LAMA3: variants seen among roughly 807,000 people sequenced by gnomAD.
LAMA3 encodes the protein laminin subunit alpha 3.
Under a neutral mutation model 402.0 loss-of-function variants are expected in LAMA3, and 281 were observed. That is an observed-to-expected ratio of 0.70 (90% CI 0.63 to 0.77). The LOEUF is 0.77. Ranked by LOEUF, LAMA3 falls within the 30% of genes least tolerant of loss-of-function variation. The pLI is 0.00. For synonymous variants in LAMA3, 1,431 were observed against 1,558.4 expected (o/e 0.92, Z 1.93); for missense variants, 3,840 against 4,215.5 (o/e 0.91, Z 2.47).
At position 23,847,624 on chromosome 18, in the gene LAMA3, C is replaced by T. The variant is rs772530974; in HGVS notation, c.4092C>T (p.Ile1364=). 6 of 1,613,908 alleles carry T rather than the reference C, an allele frequency of 3.7e-6. No individual in the cohort carries two copies. In the African/African-American group the frequency reaches 4.0e-5, roughly 11 times the overall value. ...GCAACTGTTCCAGGAGGGGCACCAT[C>T]GAGGCTGCCATGCCGGAGTGTGACC... ...EGCNCSRRGT[I]EAAMPECDRD... The change falls in exon 32 of 75, where the codon ATC becomes ATT. Residue 1364 remains isoleucine (I), a synonymous_variant. Coordinates refer to ENST00000313654, the MANE Select transcript of LAMA3 (RefSeq NM_198129.4).
intron 44 of LAMA3, among the ~76,000 whole-genome samples, chr18:23,895,613 A>G (rs2080850949): frequency 1.3e-5 from 2 of 152,208 alleles, no homozygotes; most frequent in South Asian, 4.1e-4. Flanking sequence ...TTCCCTTATT[A>G]TCCTTTGTAC....
chr18:23,713,424 C>A (rs952556717), intron 1 of LAMA3, among the ~76,000 whole-genome samples: 1 of 152,236 alleles, frequency 6.6e-6, no homozygotes, highest in African/African-American at 2.4e-5. Context: ...CCACAGCCAT[C>A]TACTCCATGG....
rs1031057431 is a variant in LAMA3 at position 23,837,424 on chromosome 18, C to T, written c.3093+335C>T. 19 of 238,886 alleles carry T rather than the reference C, an allele frequency of 8.0e-5. No homozygotes were observed. The Admixed American group carries it at 1.0e-3, about 13-fold the overall frequency. The allele number at this position is 238,886 out of a possible 1,614,324, so 14.8% of individuals were successfully genotyped here. On this transcript the variant is annotated intron_variant, in intron 25 of 74. Coordinates refer to ENST00000313654, the MANE Select transcript of LAMA3 (RefSeq NM_198129.4). ...TTGCCAGAGTTTAGAAATCCCATTG[C>T]TTATTGTTTATTTTCTTTTCCATCT...
At chr18:23,745,156 C>T (rs2061630002) in intron 2 of LAMA3, among the ~76,000 whole-genome samples, 1 of 150,412 alleles carries the variant, frequency 6.6e-6, no homozygotes, top group Non-Finnish European at 1.5e-5. Flanking sequence ...CTGTAACTTC[C>T]TTTCAAAGAA....
intron 25 of LAMA3, 117 bp from the exon 26 acceptor site, chr18:23,838,663 TA>T (rs2063634036): frequency 1.4e-6 from 1 of 709,012 alleles, no homozygotes. Context: ...AAATAACGAT[TA>T]GAATTATTAT....
intron 2 of LAMA3, among the ~76,000 whole-genome samples, chr18:23,716,742 C>A (rs2061107762): frequency 6.6e-6 from 1 of 152,242 alleles, no homozygotes; most frequent in Non-Finnish European, 1.5e-5. Context: ...ACCCGCTCTG[C>A]TCTGCGAGGC....
chr18:23,744,268 G>A (rs1404900552), intron 2 of LAMA3, among the ~76,000 whole-genome samples: 1 of 152,074 alleles, frequency 6.6e-6, no homozygotes, highest in Non-Finnish European at 1.5e-5. Flanking sequence ...ACATATAGTC[G>A]CTTGGTGCAA....
Position 23,894,892 on chromosome 18 carries a change from T to A in LAMA3, c.5462-15T>A. On this transcript the variant is annotated splice_polypyrimidine_tract_variant and intron_variant, in intron 43 of 74. Transcript: ENST00000313654. ...CCCCCCACAGCACATTTGCCTTTGA[T>A]TGTGGCCCCTACAGATTGCGACAGC... The A allele has an allele frequency of 6.2e-7, 1 of 1,614,122 alleles. No homozygotes were observed. Among genetic ancestry groups the A allele is most frequent in the Non-Finnish European group, 8.5e-7 (1 of 1,180,004 alleles).
At chr18:23,705,450 TACACACACAC>T (rs35025245) in intron 1 of LAMA3, among the ~76,000 whole-genome samples, 1 of 145,394 alleles carries the variant, frequency 6.9e-6, no homozygotes, top group South Asian at 2.2e-4. Context: ...TATCATGACA[TACACACACAC>T]ACACACACAC....
chr18:23,949,427 C>G (rs1337577096), intron 70 of LAMA3, among the ~76,000 whole-genome samples: 1 of 151,894 alleles, frequency 6.6e-6, no homozygotes, highest in East Asian at 1.9e-4. Context: ...TCTGTGAGGA[C>G]CAGGGTCAGG....
chr18:23,876,852 C>T (rs914284037), intron 39 of LAMA3, among the ~76,000 whole-genome samples: 17 of 152,118 alleles, frequency 1.1e-4, no homozygotes, highest in African/African-American at 3.9e-4. Context: ...GCTCAAGGCT[C>T]ATAAGAAATC....
intron 62 of LAMA3, among the ~76,000 whole-genome samples, chr18:23,925,429 C>A (rs1444063632): frequency 6.6e-6 from 1 of 152,134 alleles, no homozygotes; most frequent in Non-Finnish European, 1.5e-5. Flanking sequence ...GGGCATTTTT[C>A]TTGAGGACCT....
At position 23,932,176 on chromosome 18, in the gene LAMA3, G is replaced by C; in HGVS notation, c.8593G>C (p.Asp2865His). The change falls in exon 66 of 75, where the codon GAT (aspartate) becomes CAT (histidine). Residue 2865 changes from aspartate to histidine, a missense_variant. Around this residue, in one of 3 missense-constraint regions of LAMA3, gnomAD observed 840 missense variants for 981.9 expected, o/e 0.86. Coordinates refer to ENST00000313654, the MANE Select transcript of LAMA3 (RefSeq NM_198129.4). ...CCCTTTCAGACTACGGCTTCTCATCGATGACCAGCTTCTGAGAAATAGCAA... is the reference window on the plus strand; with the variant it reads ...CCCTTTCAGACTACGGCTTCTCATCCATGACCAGCTTCTGAGAAATAGCAA... ...SDNSGLRLLI[D>H]DQLLRNSKRL... 2 of 1,613,906 alleles carry C rather than the reference G, an allele frequency of 1.2e-6. No individual in the cohort carries two copies. The highest frequency in any genetic ancestry group is 1.7e-6 in the Non-Finnish European group (2 of 1,179,858).
chr18:23,915,351 A>T lies in LAMA3; in HGVS notation c.7707A>T (p.Glu2569Asp). 2 of 1,613,672 alleles carry T rather than the reference A, an allele frequency of 1.2e-6. No homozygotes were observed. Among genetic ancestry groups the T allele is most frequent in the Non-Finnish European group, 1.7e-6 (2 of 1,179,582 alleles). ...KGCIELDDLN[E>D]NVLSLYNFKK... ...GTATTGAATTAGATGACCTCAATGAAAATGTTCTGAGCTTGTACAACTTCA... is the reference window on the plus strand; with the variant it reads ...GTATTGAATTAGATGACCTCAATGATAATGTTCTGAGCTTGTACAACTTCA... Residue 2569 changes from glutamate to aspartate, a missense_variant, in exon 59 of 75, where the codon GAA (glutamate) becomes GAT (aspartate). By Grantham distance (45) the Glu-to-Asp change is conservative. Around this residue, in one of 3 missense-constraint regions of LAMA3, gnomAD observed 840 missense variants for 981.9 expected, o/e 0.86. Transcript: ENST00000313654.
intron 70 of LAMA3, 44 bp from the exon 71 acceptor site, chr18:23,949,721 T>G (rs759904398): frequency 6.2e-7 from 1 of 1,606,048 alleles, no homozygotes; most frequent in Non-Finnish European, 8.5e-7. Context: ...ATGCCTTTCT[T>G]GGAGGTGTAG....
Position 23,763,468 on chromosome 18 carries a change from C to G in LAMA3, c.1127C>G (p.Ala376Gly). The change falls in exon 8 of 75, where the codon GCA becomes GGA. Residue 376 changes from alanine to glycine, a missense_variant. By Grantham distance (60) the Ala-to-Gly change is moderately conservative. Coordinates refer to ENST00000313654, the MANE Select transcript of LAMA3 (RefSeq NM_198129.4). ...GATCCAGATGTTGAGCGGCAGCAGG[C>G]AAGCTTGAATACCCAGGGCATCTAT... is the stretch of plus-strand genomic sequence containing the variant. ...YYDPDVERQQ[A>G]SLNTQGIYAG... The G allele has an allele frequency of 5.6e-6, 9 of 1,613,990 alleles. No homozygotes were observed. The highest frequency in any genetic ancestry group is 7.6e-6 in the Non-Finnish European group (9 of 1,179,914).
In LAMA3 at chr18:23,810,449, G is replaced by A. The variant is rs538999696; in HGVS notation, c.1687G>A (p.Gly563Arg). 3 of 1,614,058 alleles carry A rather than the reference G, an allele frequency of 1.9e-6. No individual in the cohort carries two copies. The highest frequency in any genetic ancestry group is 2.5e-6 in the Non-Finnish European group (3 of 1,180,048). Residue 563 changes from glycine to arginine, a missense_variant, in exon 13 of 75, where the codon GGA becomes AGA. Gly to Arg is a moderately radical substitution (Grantham distance 125). Transcript: ENST00000313654. ...GTGTGAATGTCGGCCAGGAGTTACA[G>A]GACAGCGGTGTGACAGGTGTCTCTC... ...GQCECRPGVT[G>R]QRCDRCLSGA...
intron 2 of LAMA3, among the ~76,000 whole-genome samples, chr18:23,735,541 G>A (rs916066795): frequency 6.6e-6 from 1 of 152,014 alleles, no homozygotes; most frequent in African/African-American, 2.4e-5. Context: ...TCCTTCATAA[G>A]CATCTGCTCT....
intron 38 of LAMA3, among the ~76,000 whole-genome samples, chr18:23,872,047 A>G (rs1394746527): frequency 2.6e-5 from 4 of 152,360 alleles, no homozygotes; most frequent in Admixed American, 6.5e-5. Flanking sequence ...TGTATGTGTC[A>G]CAACATCACT....
Sources: gnomAD v4.1 joint callset for allele counts (sites outside exome capture counted in the v4.1 genomes callset) on GRCh38, gnomAD v4.1.1 for gene constraint, gnomAD v4.1.1 regional missense constraint, MANE v1.5 for transcripts, NCBI Gene and HGNC (gene_info 2026-07-23, HGNC 2026-07-21) for gene names.